LRRK1: variants seen among roughly 807,000 people sequenced by gnomAD.
The protein encoded by LRRK1 is leucine-rich repeat serine/threonine-protein kinase 1.
A neutral mutation model predicts 209.1 loss-of-function variants in LRRK1; 113 were observed. The observed-to-expected ratio is 0.54, with a 90% CI of 0.46 to 0.63. LRRK1 has a LOEUF of 0.63. LRRK1 is among the 30% of genes least tolerant of loss of function. LRRK1 has a pLI of 0.00. For missense variants in LRRK1, 2,284 were observed against 2,632.2 expected, an observed-to-expected ratio of 0.87 and a Z score of 2.89; for synonymous variants, 1,144 against 1,099.7, an observed-to-expected ratio of 1.04 and a Z score of -0.80.
At chr15:100,997,127 G>A (rs1039869755) in intron 6 of LRRK1, among the ~76,000 whole-genome samples, 1 of 150,990 alleles carries the variant, frequency 6.6e-6, no homozygotes, top group Non-Finnish European at 1.5e-5. Flanking sequence ...ATATTTAAAA[G>A]CATGTTTATC....
At chr15:101,054,050 C>A (rs2035644159) in intron 26 of LRRK1, among the ~76,000 whole-genome samples, 1 of 152,160 alleles carries the variant, frequency 6.6e-6, no homozygotes, top group African/African-American at 2.4e-5. Context: ...GCAATCTCAG[C>A]TCACTGCAGC....
intron 2 of LRRK1, among the ~76,000 whole-genome samples, chr15:100,936,998 A>C (rs929976219): frequency 6.6e-6 from 1 of 152,166 alleles, no homozygotes; most frequent in Non-Finnish European, 1.5e-5. Flanking sequence ...AGAATACATC[A>C]CTTTGCCTAT....
chr15:101,049,766 T>C lies in LRRK1; in HGVS notation c.3422T>C (p.Ile1141Thr). The C allele has an allele frequency of 2.5e-6, 4 of 1,613,752 alleles. No individual in the cohort carries two copies. Among genetic ancestry groups the C allele is most frequent in the Non-Finnish European group, 3.4e-6 (4 of 1,179,800 alleles). Residue 1141 changes from isoleucine to threonine, a missense_variant, in exon 23 of 34, where the codon ATT becomes ACT. Ile to Thr is a moderately conservative substitution (Grantham distance 89). Around this residue, in one of 6 missense-constraint regions of LRRK1, gnomAD observed 780 missense variants for 985.2 expected, o/e 0.79. Coordinates refer to ENST00000388948, the MANE Select transcript of LRRK1 (RefSeq NM_024652.6). ...ATCACGGACCACGTCAATTCCTTGA[T>C]TGATCAGTGGTTTCCCGGTAAGAGG... ...AFITDHVNSL[I>T]DQWFPALTAT...
chr15:101,068,976 T>G lies in LRRK1; in HGVS notation c.*128T>G. On this transcript the variant is annotated 3_prime_UTR_variant, in exon 34 of 34. Coordinates refer to ENST00000388948, the MANE Select transcript of LRRK1 (RefSeq NM_024652.6). The stretch of plus-strand genomic sequence containing the variant: ...TGGAGTTCTCCCCTGAACTCCTTGC[T>G]GCTAAGAAGTGCTGAGAAGTTACTC... 2.2e-6 allele frequency: 2 copies of G among 896,016 alleles called. No homozygotes were observed. Among genetic ancestry groups the G allele is most frequent in the Non-Finnish European group, 3.2e-6 (2 of 619,356 alleles). 55.5% of individuals were successfully genotyped at this position (896,016 alleles called of 1,614,324 possible).
chr15:101,001,247 T>A (rs2032669931), intron 6 of LRRK1, among the ~76,000 whole-genome samples: 1 of 151,948 alleles, frequency 6.6e-6, no homozygotes, highest in Admixed American at 6.6e-5. Flanking sequence ...GTTCCCAGAG[T>A]TCTCTGGGAA....
At chr15:101,061,097 G>A (rs2036147629) in intron 29 of LRRK1, 74 bp from the exon 30 acceptor site, 1 of 1,132,164 alleles carries the variant, frequency 8.8e-7, no homozygotes, top group African/African-American at 1.5e-5. Flanking sequence ...GCTCGCAGCT[G>A]GCAGGCCAGG....
intron 2 of LRRK1, among the ~76,000 whole-genome samples, chr15:100,963,166 T>C (rs192146298): frequency 9.9e-5 from 15 of 152,126 alleles, no homozygotes; most frequent in African/African-American, 3.4e-4. Flanking sequence ...GTTCTGTGTT[T>C]TTCCTGTGGT....
At position 101,015,388 on chromosome 15, in the gene LRRK1, C is replaced by T; in HGVS notation, c.1595C>T (p.Ser532Phe). The change falls in exon 12 of 34, where the codon TCC (serine) becomes TTC (phenylalanine). Residue 532 changes from serine to phenylalanine, a missense_variant. By Grantham distance (155) the Ser-to-Phe change is radical. Coordinates refer to ENST00000388948, the MANE Select transcript of LRRK1 (RefSeq NM_024652.6). ...AFFTTRGRQR[S>F]GTEAASVLEF... ...TTCACCACCAGAGGTCGCCAGCGCT[C>T]CGGGACTGAGGCAGGTGTGTGTGGG... The T allele has an allele frequency of 6.2e-7, 1 of 1,613,428 alleles. No homozygotes were observed.
intron 32 of LRRK1, among the ~76,000 whole-genome samples, 169 bp from the exon 33 acceptor site, chr15:101,066,471 G>A (rs2036536562): frequency 6.6e-6 from 1 of 152,242 alleles, no homozygotes; most frequent in African/African-American, 2.4e-5. Context: ...AGTTTCCACT[G>A]AGAAAATTCT....
At chr15:101,015,441 A>G in intron 12 of LRRK1, 39 bp downstream of exon 12, 1 of 1,497,372 alleles carries the variant, frequency 6.7e-7, no homozygotes, top group Non-Finnish European at 9.2e-7. Context: ...CAGATGAGAC[A>G]GCCGGGGTAG....
At chr15:101,019,540 T>G (rs2033685040) in intron 12 of LRRK1, among the ~76,000 whole-genome samples, 1 of 152,144 alleles carries the variant, frequency 6.6e-6, no homozygotes, top group African/African-American at 2.4e-5. Flanking sequence ...GGTTTTGGTA[T>G]TCCATTATCG....
intron 2 of LRRK1, among the ~76,000 whole-genome samples, chr15:100,927,260 A>G (rs2042132406): frequency 6.6e-6 from 1 of 152,122 alleles, no homozygotes; most frequent in African/African-American, 2.4e-5. Flanking sequence ...CCCCACCTCC[A>G]AGCTCGTGGC....
At chr15:101,007,116 G>A (rs189420576) in intron 6 of LRRK1, among the ~76,000 whole-genome samples, 1 of 152,358 alleles carries the variant, frequency 6.6e-6, no homozygotes, top group East Asian at 1.9e-4. Context: ...AGTGGGCGGA[G>A]GAGGAGCTAA....
intron 28 of LRRK1, 121 bp from the exon 29 acceptor site, chr15:101,057,869 A>C: frequency 9.2e-7 from 1 of 1,086,392 alleles, no homozygotes; most frequent in South Asian, 1.5e-5. Flanking sequence ...GTTTGGATCT[A>C]GTCTGAATGA....
Position 101,058,618 on chromosome 15 carries a change from G to GGGGAGTGGC in LRRK1, c.4679+480_4679+481insAGTGGCGGG, listed in dbSNP as rs35096812. Among the ~76,000 whole-genome samples the GGGGAGTGGC allele has an allele frequency of 8.9e-4, 10 of 11,238 alleles. 2 individuals carry two copies. The East Asian group carries it at 0.031, about 35-fold the overall frequency. The allele number at this position is 11,238 out of a possible 152,430, so 7.4% of individuals were successfully genotyped here. A position where few individuals can be genotyped will look rare whatever the true frequency, so the allele number is the denominator to read the frequency against. On this transcript the variant is annotated intron_variant, in intron 29 of 33. Coordinates refer to ENST00000388948, the MANE Select transcript of LRRK1 (RefSeq NM_024652.6). Reference sequence around the variant, plus strand: ...TGCCCCAGATTGCAGAAGGGGCAACGGGGGGGGGCGTCTAAACAGAGTTGG... The same window carrying GGGGAGTGGC: ...TGCCCCAGATTGCAGAAGGGGCAACGGGGAGTGGCGGGGGGGGCGTCTAAACAGAGTTGG...
intron 6 of LRRK1, among the ~76,000 whole-genome samples, chr15:101,002,721 A>G (rs2032757265): frequency 6.6e-6 from 1 of 151,446 alleles, no homozygotes; most frequent in African/African-American, 2.4e-5. Context: ...CAAGTGCATG[A>G]ACATCTTTTT....
At chr15:100,934,376 T>C (rs1428774943) in intron 2 of LRRK1, among the ~76,000 whole-genome samples, 1 of 152,168 alleles carries the variant, frequency 6.6e-6, no homozygotes, top group Non-Finnish European at 1.5e-5. Flanking sequence ...TTCAGCATGA[T>C]TATTTCAACC....
intron 2 of LRRK1, among the ~76,000 whole-genome samples, chr15:100,958,939 T>C (rs1441513467): frequency 1.3e-5 from 2 of 152,206 alleles, no homozygotes; most frequent in African/African-American, 4.8e-5. Flanking sequence ...TGTGTATGAC[T>C]AAGGTCTCAG....
intron 2 of LRRK1, among the ~76,000 whole-genome samples, chr15:100,961,597 T>G (rs1054445590): frequency 5.4e-5 from 8 of 148,668 alleles, no homozygotes; most frequent in African/African-American, 7.5e-5. Context: ...AGGTTGCAGT[T>G]AGCCGAGATC....
Sources: allele counts gnomAD v4.1 joint callset (sites outside exome capture counted in the v4.1 genomes callset), GRCh38; gene constraint gnomAD v4.1.1; regional missense constraint gnomAD v4.1.1; transcripts MANE v1.5; gene names NCBI Gene and HGNC (gene_info 2026-07-23, HGNC 2026-07-21).